Variants in RBFOX1 observed in about 807,000 individuals in gnomAD.
The protein encoded by RBFOX1 is RNA binding fox-1 homolog 1.
In RBFOX1, 8 loss-of-function variants were observed where a neutral mutation model predicts 57.7. The observed-to-expected ratio is 0.14, with a 90% CI of 0.08 to 0.25. RBFOX1 has a LOEUF of 0.25. Ranked by LOEUF, RBFOX1 falls within the 10% of genes least tolerant of loss-of-function variation. The pLI, the probability that RBFOX1 is intolerant of heterozygous loss-of-function variation, is 1.00. For synonymous variants in RBFOX1, 326 were observed against 222.4 expected (o/e 1.47, Z -4.15); for missense variants, 611 against 548.5 (o/e 1.11, Z -1.14).
At chr16:5,287,562 A>C (rs2063427215) in intron 1 of RBFOX1, among the ~76,000 whole-genome samples, 1 of 152,184 alleles carries the variant, frequency 6.6e-6, no homozygotes, top group Non-Finnish European at 1.5e-5. Flanking sequence ...TTAATACAAC[A>C]ATCGTTTATT....
chr16:6,881,330 C>G (rs2062888753), intron 3 of RBFOX1, among the ~76,000 whole-genome samples: 1 of 152,176 alleles, frequency 6.6e-6, no homozygotes, highest in Non-Finnish European at 1.5e-5. Flanking sequence ...ACTGCCATAA[C>G]ACAGTGCCAC....
intron 2 of RBFOX1, among the ~76,000 whole-genome samples, chr16:6,515,535 T>G (rs2096358921): frequency 1.3e-5 from 2 of 152,246 alleles, no homozygotes; most frequent in Admixed American, 1.3e-4. Context: ...TGTCTTCCCT[T>G]GAGAGCAGAC....
chr16:5,763,031 T>C (rs1047228827), intron 3 of RBFOX1, among the ~76,000 whole-genome samples: 1 of 152,206 alleles, frequency 6.6e-6, no homozygotes, highest in African/African-American at 2.4e-5. Flanking sequence ...TTTGCACATA[T>C]CTGTTTTTAA....
chr16:5,781,303 A>G (rs1412558781), intron 3 of RBFOX1, among the ~76,000 whole-genome samples: 1 of 152,194 alleles, frequency 6.6e-6, no homozygotes, highest in African/African-American at 2.4e-5. Flanking sequence ...AGGTTTATCC[A>G]TAGCCTCCTC....
intron 4 of RBFOX1, among the ~76,000 whole-genome samples, chr16:5,994,829 C>G (rs2060464550): frequency 6.6e-6 from 1 of 152,178 alleles, no homozygotes; most frequent in African/African-American, 2.4e-5. Context: ...CAGGGCCTAG[C>G]AAAGGGCCAA....
intron 1 of RBFOX1, among the ~76,000 whole-genome samples, chr16:6,186,180 G>A (rs2097104019): frequency 6.6e-6 from 1 of 152,150 alleles, no homozygotes; most frequent in Non-Finnish European, 1.5e-5. Context: ...CAAATGTGGT[G>A]AAGTGCTTTT....
intron 1 of RBFOX1, among the ~76,000 whole-genome samples, chr16:6,286,356 G>A (rs1330159595): frequency 7.1e-6 from 1 of 141,598 alleles, no homozygotes; most frequent in East Asian, 2.0e-4. Context: ...TGACTCAGAT[G>A]TGTGAGAACT....
At chr16:7,051,964 A>T (rs2050235388) in intron 3 of RBFOX1, 93 bp from the exon 4 acceptor site, 2 of 1,531,424 alleles carry the variant, frequency 1.3e-6, no homozygotes, top group South Asian at 1.2e-5. Context: ...GTTTTCTTTG[A>T]GCTGAGTAAT....
At position 7,441,334 on chromosome 16, in the gene RBFOX1, C is replaced by A. The variant is rs539283499; in HGVS notation, c.28-76813C>A. Among the ~76,000 whole-genome samples, 6 of 152,208 alleles carry A rather than the reference C, an allele frequency of 3.9e-5. No homozygotes were observed. In the South Asian group the frequency reaches 1.2e-3, roughly 32 times the overall value. On this transcript the variant is annotated intron_variant, in intron 4 of 15. Transcript: ENST00000550418. ...TAGTTCCATTTGAGATGGTGAAATGCCTTGGAAACTAAAAACCCTACCTAA... is the reference window on the plus strand; with the variant it reads ...TAGTTCCATTTGAGATGGTGAAATGACTTGGAAACTAAAAACCCTACCTAA...
intron 2 of RBFOX1, among the ~76,000 whole-genome samples, chr16:6,402,094 GAA>G (rs199794236): frequency 6.1e-5 from 6 of 98,398 alleles, no homozygotes; most frequent in Admixed American, 3.0e-4. Context: ...GAAGAAAACA[GAA>G]AAAAAAAAAA....
intron 14 of RBFOX1, chr16:7,693,401 C>T: frequency 6.9e-7 from 1 of 1,443,984 alleles, no homozygotes; most frequent in South Asian, 1.2e-5. Context: ...ATGCATCCAT[C>T]CAAGTCTCAG....
intron 4 of RBFOX1, among the ~76,000 whole-genome samples, chr16:7,143,902 T>C (rs77185117): frequency 0.041 from 6,244 of 152,256 alleles, 434 homozygotes; most frequent in African/African-American, 0.14. Flanking sequence ...CCCTAGGAGC[T>C]ATTACTGTAA....
At chr16:7,525,864 G>T (rs190233377) in intron 5 of RBFOX1, among the ~76,000 whole-genome samples, 60 of 152,324 alleles carry the variant, frequency 3.9e-4, no homozygotes, top group Non-Finnish European at 3.4e-4. Context: ...GAATGGTGCA[G>T]TTGAGGTCGT....
At chr16:6,420,972 G>A (rs1489023204) in intron 2 of RBFOX1, among the ~76,000 whole-genome samples, 1 of 152,150 alleles carries the variant, frequency 6.6e-6, no homozygotes, top group African/African-American at 2.4e-5. Flanking sequence ...TCTTCCAATG[G>A]CCCCTTGTTG....
At chr16:7,380,137 T>G (rs1028467737) in intron 4 of RBFOX1, among the ~76,000 whole-genome samples, 6 of 152,180 alleles carry the variant, frequency 3.9e-5, no homozygotes, top group Admixed American at 1.3e-4. Flanking sequence ...AGACTACAGG[T>G]GTGAGCTGTG....
At chr16:5,719,123 T>C (rs765137984) in intron 3 of RBFOX1, among the ~76,000 whole-genome samples, 4 of 152,004 alleles carry the variant, frequency 2.6e-5, no homozygotes, top group African/African-American at 4.8e-5. Flanking sequence ...ATACATTTTA[T>C]CCATTAAACG....
chr16:6,674,291 A>T (rs2098786666), intron 3 of RBFOX1, among the ~76,000 whole-genome samples: 1 of 152,072 alleles, frequency 6.6e-6, no homozygotes, highest in Non-Finnish European at 1.5e-5. Flanking sequence ...GCAGTCGTAA[A>T]ACCAATGACT....
rs189592706 is a variant in RBFOX1, at chr16:7,272,180, A to G, written c.27+220082A>G. Among the ~76,000 whole-genome samples the G allele has an allele frequency of 4.2e-3, 634 of 152,192 alleles. 7 individuals are homozygous for G. Among genetic ancestry groups the G allele is most frequent in the African/African-American group, 0.015 (603 of 41,552 alleles). ...TTAATAGATTACTCTTTGCTTGACC[A>G]TTTCCCTATTTTATTTTTTTTGAGA... On this transcript the variant is annotated intron_variant, in intron 4 of 15. Transcript: ENST00000550418.
chr16:7,552,547 C>T (rs1223249375), intron 5 of RBFOX1, among the ~76,000 whole-genome samples: 3 of 152,174 alleles, frequency 2.0e-5, no homozygotes, highest in Admixed American at 6.5e-5. Flanking sequence ...GAGATCTGAA[C>T]TGAACCTCAA....
Sources: allele counts gnomAD v4.1 joint callset (sites outside exome capture counted in the v4.1 genomes callset), GRCh38; gene constraint gnomAD v4.1.1; transcripts MANE v1.5; gene names NCBI Gene and HGNC (gene_info 2026-07-23, HGNC 2026-07-21).